CTNNA3: variants seen among roughly 807,000 people sequenced by gnomAD.
CTNNA3 encodes the protein catenin alpha 3.
CTNNA3 carries 76 observed loss-of-function variants against 95.7 expected under a neutral mutation model. The ratio of observed to expected loss-of-function variants is 0.79; its 90% CI spans 0.66 to 0.96. The LOEUF (loss-of-function observed/expected upper bound fraction) is 0.96. Among genes scored for constraint, CTNNA3 ranks in the 40% least tolerant of loss-of-function variants. CTNNA3 has a pLI of 0.00. For missense variants in CTNNA3, 1,191 were observed against 1,089.8 expected (o/e 1.09, Z -1.31); for synonymous variants, 431 against 374.4 (o/e 1.15, Z -1.74).
chr10:66,185,279 C>G (rs1422536226), intron 13 of CTNNA3, among the ~76,000 whole-genome samples: 1 of 151,870 alleles, frequency 6.6e-6, no homozygotes, highest in African/African-American at 2.4e-5. Flanking sequence ...TGGTAAATAC[C>G]AGAGACAACA....
intron 7 of CTNNA3, among the ~76,000 whole-genome samples, chr10:66,881,988 A>G (rs1844867921): frequency 6.6e-6 from 1 of 152,042 alleles, no homozygotes; most frequent in Non-Finnish European, 1.5e-5. Flanking sequence ...TTAACAAATG[A>G]CCTTCTCGAG....
intron 1 of CTNNA3, among the ~76,000 whole-genome samples, chr10:67,689,658 C>T (rs4409725): frequency 0.12 from 18,967 of 151,970 alleles, 1,306 homozygotes; most frequent in Non-Finnish European, 0.16. Context: ...GTTGGGACCC[C>T]GGAGCTGAAT....
intron 3 of CTNNA3, among the ~76,000 whole-genome samples, chr10:67,573,466 G>C (rs151303680): frequency 5.5e-4 from 84 of 152,210 alleles, no homozygotes; most frequent in Non-Finnish European, 1.1e-3. Context: ...CAGACTATGA[G>C]ACAGAGAACA....
chr10:67,269,734 T>C (rs1274441955), intron 5 of CTNNA3, among the ~76,000 whole-genome samples: 1 of 152,142 alleles, frequency 6.6e-6, no homozygotes, highest in African/African-American at 2.4e-5. Context: ...AATGAGCAGA[T>C]CAAGTTGAAG....
intron 14 of CTNNA3, among the ~76,000 whole-genome samples, chr10:66,099,632 A>C (rs1232004711): frequency 6.6e-6 from 1 of 152,134 alleles, no homozygotes; most frequent in East Asian, 1.9e-4. Flanking sequence ...TGTTGTAATA[A>C]ACTCACAAGG....
chr10:66,701,708 C>A (rs1249794964), intron 9 of CTNNA3, among the ~76,000 whole-genome samples: 2 of 151,986 alleles, frequency 1.3e-5, no homozygotes, highest in Non-Finnish European at 2.9e-5. Flanking sequence ...TGAAACCTTG[C>A]AAAGCTAAGT....
At chr10:66,276,402 C>T (rs1482288501) in intron 13 of CTNNA3, among the ~76,000 whole-genome samples, 1 of 152,102 alleles carries the variant, frequency 6.6e-6, no homozygotes, top group Non-Finnish European at 1.5e-5. Flanking sequence ...CCCTCTCTCT[C>T]AATTCAATTA....
At chr10:67,300,361 C>G (rs1003882916) in intron 5 of CTNNA3, among the ~76,000 whole-genome samples, 4 of 152,180 alleles carry the variant, frequency 2.6e-5, no homozygotes, top group African/African-American at 9.7e-5. Context: ...TCCATTATGG[C>G]ATAACCTACA....
At chr10:66,665,762 T>C (rs539055133) in intron 9 of CTNNA3, among the ~76,000 whole-genome samples, 1 of 152,330 alleles carries the variant, frequency 6.6e-6, no homozygotes, top group African/African-American at 2.4e-5. Flanking sequence ...AATACTTTTA[T>C]ATGATCATAA....
At chr10:67,583,014 A>G (rs1375587246) in intron 3 of CTNNA3, among the ~76,000 whole-genome samples, 3 of 151,960 alleles carry the variant, frequency 2.0e-5, no homozygotes, top group African/African-American at 7.3e-5. Context: ...TCTTTACCCA[A>G]TTTGCCAGTC....
At chr10:66,893,597 A>C (rs1366656426) in intron 7 of CTNNA3, among the ~76,000 whole-genome samples, 1 of 151,976 alleles carries the variant, frequency 6.6e-6, no homozygotes, top group African/African-American at 2.4e-5. Context: ...GCTACTTATG[A>C]GTGTTGATGA....
At chr10:67,426,542 A>G (rs750347619) in intron 5 of CTNNA3, among the ~76,000 whole-genome samples, 7 of 152,122 alleles carry the variant, frequency 4.6e-5, no homozygotes, top group Non-Finnish European at 1.0e-4. Flanking sequence ...CATTCTGAGC[A>G]AACTATCACA....
chr10:66,073,806 C>T lies in CTNNA3; in HGVS notation c.1978-4317G>A, dbSNP rs143826610. Among the ~76,000 whole-genome samples, 93 of 152,072 alleles carry T rather than the reference C, an allele frequency of 6.1e-4. 1 individual carries two copies. In the East Asian group the frequency reaches 0.015, roughly 24 times the overall value. Reference sequence around the variant, plus strand: ...TCTAATCTCCTTATCTTTACATCACCTTATCAAATAAAGGGTATCAATTCC... The same window carrying T: ...TCTAATCTCCTTATCTTTACATCACTTTATCAAATAAAGGGTATCAATTCC... On this transcript the variant is annotated intron_variant, in intron 14 of 17. Coordinates refer to ENST00000433211, the MANE Select transcript of CTNNA3 (RefSeq NM_013266.4).
chr10:66,140,419 G>A (rs1411009529), intron 13 of CTNNA3, among the ~76,000 whole-genome samples: 1 of 152,116 alleles, frequency 6.6e-6, no homozygotes, highest in Admixed American at 6.5e-5. Context: ...CAATCCACGA[G>A]CAAAGTAGAG....
intron 1 of CTNNA3, among the ~76,000 whole-genome samples, chr10:67,761,320 G>C (rs2131759128): frequency 6.6e-6 from 1 of 152,288 alleles, no homozygotes; most frequent in South Asian, 2.1e-4. Context: ...TAGATGAAGA[G>C]ATTGGACTAA....
At chr10:66,245,627 C>T (rs2090285737) in intron 13 of CTNNA3, among the ~76,000 whole-genome samples, 1 of 152,162 alleles carries the variant, frequency 6.6e-6, no homozygotes, top group Non-Finnish European at 1.5e-5. Context: ...GAGTGTTCAG[C>T]TCCGAGCACA....
intron 5 of CTNNA3, among the ~76,000 whole-genome samples, chr10:67,337,783 G>A (rs1842047523): frequency 6.6e-6 from 1 of 152,138 alleles, no homozygotes; most frequent in South Asian, 2.1e-4. Context: ...ATGATCCACT[G>A]AAGGCTCAAA....
intron 9 of CTNNA3, among the ~76,000 whole-genome samples, chr10:66,696,942 A>C (rs902171085): frequency 6.6e-6 from 1 of 151,960 alleles, no homozygotes; most frequent in African/African-American, 2.4e-5. Flanking sequence ...AAATACATAA[A>C]TAAAATAAAA....
At chr10:65,983,794 T>C (rs1023403903) in intron 16 of CTNNA3, among the ~76,000 whole-genome samples, 1 of 151,346 alleles carries the variant, frequency 6.6e-6, no homozygotes, top group Non-Finnish European at 1.5e-5. Flanking sequence ...TCTTTCTAAC[T>C]AGCTAATGCC....
Sources: allele counts gnomAD v4.1 joint callset (sites outside exome capture counted in the v4.1 genomes callset), GRCh38; gene constraint gnomAD v4.1.1; transcripts MANE v1.5; gene names NCBI Gene and HGNC (gene_info 2026-07-23, HGNC 2026-07-21).